The following EPPK1 variants were observed in gnomAD, a reference collection of about 807,000 sequenced individuals.
The protein encoded by EPPK1 is epiplakin.
For synonymous variants in EPPK1, 1,862 were observed against 1,721.2 expected, an observed-to-expected ratio of 1.08 and a Z score of -2.03; for missense variants, 3,823 against 3,673.3, an observed-to-expected ratio of 1.04 and a Z score of -1.05.
At position 143,868,321 on chromosome 8, in the gene EPPK1, C is replaced by T. The variant is rs1819211794; in HGVS notation, c.4933G>A (p.Ala1645Thr). ...GKETYVKLLS[A>T]ERAVTGYTDP... is the part of the protein sequence containing the mutation. ...GTGTAGCCGGTGACGGCGCGCTCGG[C>T]CGACAGCAGCTTCACGTAGGTTTCT... Residue 1645 changes from alanine to threonine, a missense_variant, in exon 2 of 2, where the codon GCC becomes ACC. Transcript: ENST00000615648. The T allele has an allele frequency of 1.2e-6, 2 of 1,613,052 alleles. No individual in the cohort carries two copies. The highest frequency in any genetic ancestry group is 1.3e-5 in the African/African-American group (1 of 74,922).
chr8:143,872,419 G>A lies in EPPK1; in HGVS notation c.835C>T (p.Arg279Cys), dbSNP rs782516506. 24 of 1,601,226 alleles carry A rather than the reference G, an allele frequency of 1.5e-5. No individual in the cohort carries two copies. Among genetic ancestry groups the A allele is most frequent in the Admixed American group, 5.0e-5 (3 of 59,918 alleles). The change falls in exon 2 of 2, where the codon CGC (arginine) becomes TGC (cysteine). Residue 279 changes from arginine to cysteine, a missense_variant. Coordinates refer to ENST00000615648, the MANE Select transcript of EPPK1 (RefSeq NM_031308.4). Reference sequence around the variant, plus strand: ...ACGCTGCCGGTACCCTCCAGGTAGCGCCGCACCTCGGCACGTGCACTCACG... The same window carrying A: ...ACGCTGCCGGTACCCTCCAGGTAGCACCGCACCTCGGCACGTGCACTCACG... ...VDVSARAEVR[R>C]YLEGTGSVAG...
chr8:143,872,047 C>T lies in EPPK1; in HGVS notation c.1207G>A (p.Gly403Arg), dbSNP rs999061712. The stretch of plus-strand genomic sequence containing the variant: ...AGCCTGCGTGCTGGACAGACCAGCC[C>T]GCCTGTGGCCAGCTGGGCATCCAAG... Reference protein sequence around the residue: ...RLLDAQLATGGLVCPARRLRL... With the variant: ...RLLDAQLATGRLVCPARRLRL... The change falls in exon 2 of 2, where the codon GGG (glycine) becomes AGG (arginine). Residue 403 changes from glycine to arginine, a missense_variant. By Grantham distance (125) the Gly-to-Arg change is moderately radical. Coordinates refer to ENST00000615648, the MANE Select transcript of EPPK1 (RefSeq NM_031308.4). The T allele has an allele frequency of 2.5e-5, 39 of 1,559,752 alleles. No homozygotes were observed. Among genetic ancestry groups the T allele is most frequent in the Non-Finnish European group, 3.0e-5 (35 of 1,153,196 alleles).
rs1175203571 is a variant in EPPK1, at chr8:143,867,786, C to T, written c.5468G>A (p.Gly1823Asp). The T allele has an allele frequency of 5.0e-6, 8 of 1,613,528 alleles. No individual in the cohort carries two copies. Among genetic ancestry groups the T allele is most frequent in the African/African-American group, 2.7e-5 (2 of 74,888 alleles). Residue 1823 changes from glycine (G) to aspartate (D), a missense_variant, in exon 2 of 2, where the codon GGC (glycine) becomes GAC (aspartate). Transcript: ENST00000615648. ...LIQEYGAQSG[G>D]LEKLLEIITT... ...GATGATTTCCAGCAATTTCTCCAGG[C>T]CCCCACTCTGGGCTCCATACTCCTG...
Position 143,866,585 on chromosome 8 carries a change from G to T in EPPK1, c.6669C>A (p.Thr2223=), listed in dbSNP as rs1252603882. Residue 2223 remains threonine (T), a synonymous_variant, in exon 2 of 2, where the codon ACC becomes ACA. Transcript: ENST00000615648. ...DDRVKRYLEG[T]SCIAGVLVPA... ...GCACCAGGACGCCCGCGATGCAGCT[G>T]GTGCCCTCCAGGTAGCGCTTGACGC... The T allele has an allele frequency of 5.6e-6, 9 of 1,612,056 alleles. No individual in the cohort carries two copies. In the African/African-American group the frequency reaches 1.1e-4, roughly 19 times the overall value.
intron 1 of EPPK1, among the ~76,000 whole-genome samples, chr8:143,875,234 A>G (rs1180098520): frequency 6.6e-6 from 1 of 152,140 alleles, no homozygotes; most frequent in East Asian, 1.9e-4. Context: ...GTCTGGTCTC[A>G]CGAAGGGCAT....
rs1554660773 is a variant in EPPK1 at position 143,870,429 on chromosome 8, T to C, written c.2825A>G (p.Gln942Arg). ...VGGVRLLPSG[Q>R]RLSLYQAMRQ... ...CATGGCCTGGTAGAGGCTGAGCCGC[T>C]GGCCAGAGGGCAGCAGCCGCACACC... Residue 942 changes from glutamine to arginine, a missense_variant, in exon 2 of 2, where the codon CAG becomes CGG. Gln to Arg is a conservative substitution (Grantham distance 43, BLOSUM62 1). Coordinates refer to ENST00000615648, the MANE Select transcript of EPPK1 (RefSeq NM_031308.4). This position sits in a 1 kb window ranked among gnomAD's most constrained non-coding sequence, Gnocchi z 5.2. 1 of 1,595,600 alleles carries C rather than the reference T, an allele frequency of 6.3e-7. No homozygotes were observed. Among genetic ancestry groups the C allele is most frequent in the African/African-American group, 1.3e-5 (1 of 74,666 alleles).
Position 143,866,345 on chromosome 8 carries a change from G to A in EPPK1, c.6909C>T (p.Ala2303=), listed in dbSNP as rs1206613333. 181 of 656,126 alleles carry A rather than the reference G, an allele frequency of 2.8e-4. 1 individual carries two copies. The African/African-American group carries it at 3.2e-3, about 12-fold the overall frequency. The allele number at this position is 656,126 out of a possible 1,614,324, so 40.6% of individuals were successfully genotyped here. A position where few individuals can be genotyped will look rare whatever the true frequency, so the allele number is the denominator to read the frequency against. ...GGEIQEKLLS[A]ERAVTGYTDP... is the part of the protein sequence containing the mutation. ...CGGTGTAGCCGGTGACGGCGCGCTC[G>A]GCCGACAGCAGCTTCTCCTGGATCT... The change falls in exon 2 of 2, where the codon GCC becomes GCT. Residue 2303 remains alanine, a synonymous_variant. Coordinates refer to ENST00000615648, the MANE Select transcript of EPPK1 (RefSeq NM_031308.4).
At position 143,872,320 on chromosome 8, in the gene EPPK1, T is replaced by C. The variant is rs1819381336; in HGVS notation, c.934A>G (p.Met312Val). The C allele has an allele frequency of 5.6e-6, 9 of 1,603,600 alleles. No individual in the cohort carries two copies. Among genetic ancestry groups the C allele is most frequent in the Non-Finnish European group, 7.7e-6 (9 of 1,175,016 alleles). ...TCTAGGAGTGGCAGCGCGGTGCCCA[T>C]TGGGAGCAGGTGCTCGGTGGCAGCC... ...FQAATEHLLP[M>V]GTALPLLEAQ... The change falls in exon 2 of 2, where the codon ATG (methionine) becomes GTG (valine). Residue 312 changes from methionine (M) to valine (V), a missense_variant. Met to Val is a conservative substitution (Grantham distance 21). Coordinates refer to ENST00000615648, the MANE Select transcript of EPPK1 (RefSeq NM_031308.4).
At position 143,871,947 on chromosome 8, in the gene EPPK1, C is replaced by T; in HGVS notation, c.1307G>A (p.Gly436Asp). 5 of 1,600,994 alleles carry T rather than the reference C, an allele frequency of 3.1e-6. No individual in the cohort carries two copies. In the South Asian group the frequency reaches 5.5e-5, roughly 18 times the overall value. ...GCCGTGCGTGCCGTCTGAGAAGCTG[C>T]CAGCCTGCGAGAGCTGCCGCTGAGT... is the stretch of plus-strand genomic sequence containing the variant. ...EDTQRQLSQA[G>D]SFSDGTHGGL... Residue 436 changes from glycine to aspartate, a missense_variant, in exon 2 of 2, where the codon GGC becomes GAC. Transcript: ENST00000615648.
At position 143,870,554 on chromosome 8, in the gene EPPK1, C is replaced by T. The variant is rs2130641331; in HGVS notation, c.2700G>A (p.Gln900=). 1.2e-6 allele frequency: 2 copies of T among 1,611,840 alleles called. No individual in the cohort carries two copies. The highest frequency in any genetic ancestry group is 2.2e-5 in the East Asian group (1 of 44,870). ...CGGCCAGCACTTGGTCCAACAGCTG[C>T]TGGTCAATGATACCGGCCTCCAGGA... is the stretch of plus-strand genomic sequence containing the variant. ...HQLLEAGIID[Q]QLLDQVLAGT... The change falls in exon 2 of 2, where the codon CAG becomes CAA. Residue 900 remains glutamine (Q), a synonymous_variant. Transcript: ENST00000615648. The surrounding 1 kb of genome is among the most constrained non-coding windows in gnomAD (Gnocchi z 5.2).
At position 143,866,587 on chromosome 8, in the gene EPPK1, T is replaced by C. The variant is rs1322437979; in HGVS notation, c.6667A>G (p.Thr2223Ala). Residue 2223 changes from threonine to alanine, a missense_variant, in exon 2 of 2, where the codon ACC becomes GCC. Physicochemically the swap from Thr to Ala is moderately conservative, Grantham distance 58 (BLOSUM62 0). Coordinates refer to ENST00000615648, the MANE Select transcript of EPPK1 (RefSeq NM_031308.4). ...ACCAGGACGCCCGCGATGCAGCTGG[T>C]GCCCTCCAGGTAGCGCTTGACGCGG... Reference protein sequence around the residue: ...DDRVKRYLEGTSCIAGVLVPA... With the variant: ...DDRVKRYLEGASCIAGVLVPA... The C allele has an allele frequency of 6.2e-7, 1 of 1,612,124 alleles. No individual in the cohort carries two copies. Among genetic ancestry groups the C allele is most frequent in the Non-Finnish European group, 8.5e-7 (1 of 1,179,640 alleles).
chr8:143,869,882 G>C lies in EPPK1; in HGVS notation c.3372C>G (p.Thr1124=), dbSNP rs142067632. The C allele has an allele frequency of 3.1e-6, 5 of 1,606,562 alleles. No homozygotes were observed. The Admixed American group carries it at 6.8e-5, about 22-fold the overall frequency. Residue 1124 remains threonine, a synonymous_variant, in exon 2 of 2, where the codon ACC becomes ACG. Transcript: ENST00000615648. ...GCAGGCTCCTCTGGACCTGCTCCTC[G>C]GTGGGGAGGGCAGGAGCACTTTCTG... ...PLPESAPALP[T]EEQVQRSLQA... is the part of the protein sequence containing the mutation.
Position 143,871,219 on chromosome 8 carries a change from C to T in EPPK1, c.2035G>A (p.Ala679Thr), listed in dbSNP as rs782268705. Residue 679 changes from alanine (A) to threonine (T), a missense_variant, in exon 2 of 2, where the codon GCG (alanine) becomes ACG (threonine). By Grantham distance (58) the Ala-to-Thr change is moderately conservative. Transcript: ENST00000615648. ...GCGCGCTCAGCCGACAGCAGCTTCG[C>T]GAACACATCAGGCCCAATGACAGCA... Reference protein sequence around the residue: ...RAAVIGPDVFAKLLSAERAVT... With the variant: ...RAAVIGPDVFTKLLSAERAVT... The T allele has an allele frequency of 8.1e-5, 131 of 1,613,058 alleles. No individual in the cohort carries two copies. The highest frequency in any genetic ancestry group is 1.0e-4 in the Non-Finnish European group (118 of 1,180,008).
At position 143,868,412 on chromosome 8, in the gene EPPK1, G is replaced by A. The variant is rs1317218230; in HGVS notation, c.4842C>T (p.Ile1614=). Residue 1614 remains isoleucine (I), a synonymous_variant, in exon 2 of 2, where the codon ATC becomes ATT. Coordinates refer to ENST00000615648, the MANE Select transcript of EPPK1 (RefSeq NM_031308.4). ...GCTTCCGGTTCTCCACGGGGTCGAT[G>A]ATGAAGCCGGTAGCTGCCTGTGCCT... ...LLEAQAATGF[I]IDPVENRKLT... 4 of 1,612,482 alleles carry A rather than the reference G, an allele frequency of 2.5e-6. No individual in the cohort carries two copies. The highest frequency in any genetic ancestry group is 3.4e-6 in the Non-Finnish European group (4 of 1,179,820).
Position 143,867,036 on chromosome 8 carries a change from C to A in EPPK1, c.6218G>T (p.Arg2073Leu). 2 of 1,612,822 alleles carry A rather than the reference C, an allele frequency of 1.2e-6. No individual in the cohort carries two copies. The highest frequency in any genetic ancestry group is 2.2e-5 in the South Asian group (2 of 91,078). Residue 2073 changes from arginine (R) to leucine (L), a missense_variant, in exon 2 of 2, where the codon CGC becomes CTC. Transcript: ENST00000615648. ...CAGCCAGCCCGTGTCCTCTTGTGGGCGGCACCTCTCCTGCAGCTCTCGGTA... is the reference window on the plus strand; with the variant it reads ...CAGCCAGCCCGTGTCCTCTTGTGGGAGGCACCTCTCCTGCAGCTCTCGGTA... ...VSYRELQERC[R>L]PQEDTGWLLF...
rs371915407 is a variant in EPPK1, at chr8:143,868,226, G to A, written c.5028C>T (p.His1676=). The change falls in exon 2 of 2, where the codon CAC becomes CAT. Residue 1676 remains histidine, a synonymous_variant. Transcript: ENST00000615648. ...TCTGGGCCTCCAGCAGGCGGATGCC[G>A]TGCTCCCGGACGATGAGGTCCTTCT... ...AMQKDLIVRE[H]GIRLLEAQIA... The A allele has an allele frequency of 8.0e-5, 129 of 1,613,112 alleles. No homozygotes were observed. Among genetic ancestry groups the A allele is most frequent in the East Asian group, 1.1e-4 (5 of 44,874 alleles).
Position 143,868,193 on chromosome 8 carries a change from C to G in EPPK1, c.5061G>C (p.Thr1687=). Residue 1687 remains threonine (T), a synonymous_variant, in exon 2 of 2, where the codon ACG becomes ACC. Coordinates refer to ENST00000615648, the MANE Select transcript of EPPK1 (RefSeq NM_031308.4). ...TGTGCACGGGGTCGATGATGCCGCCCGTGGCGATCTGGGCCTCCAGCAGGC... is the reference window on the plus strand; with the variant it reads ...TGTGCACGGGGTCGATGATGCCGCCGGTGGCGATCTGGGCCTCCAGCAGGC... ...GIRLLEAQIA[T]GGIIDPVHSH... 2 of 1,612,948 alleles carry G rather than the reference C, an allele frequency of 1.2e-6. No homozygotes were observed. Among genetic ancestry groups the G allele is most frequent in the Non-Finnish European group, 1.7e-6 (2 of 1,179,968 alleles).
Position 143,867,132 on chromosome 8 carries a change from T to A in EPPK1, c.6122A>T (p.Tyr2041Phe), listed in dbSNP as rs782820648. 1.2e-6 allele frequency: 2 copies of A among 1,612,878 alleles called. No individual in the cohort carries two copies. The highest frequency in any genetic ancestry group is 2.2e-5 in the East Asian group (1 of 44,864). The change falls in exon 2 of 2, where the codon TAT becomes TTT. Residue 2041 changes from tyrosine to phenylalanine, a missense_variant. Tyr to Phe is a conservative substitution (Grantham distance 22). Coordinates refer to ENST00000615648, the MANE Select transcript of EPPK1 (RefSeq NM_031308.4). Reference sequence around the variant, plus strand: ...GTGCTTCTGGTCGGAAATGAGCGCATAGATGTCCTTGTGCAGACAGCCCCG... The same window carrying A: ...GTGCTTCTGGTCGGAAATGAGCGCAAAGATGTCCTTGTGCAGACAGCCCCG... ...YRRGCLHKDI[Y>F]ALISDQKHMR...
In EPPK1 at chr8:143,868,878, G is replaced by A. The variant is rs538042034; in HGVS notation, c.4376C>T (p.Thr1459Ile). 2 of 1,610,694 alleles carry A rather than the reference G, an allele frequency of 1.2e-6. No individual in the cohort carries two copies. Among genetic ancestry groups the A allele is most frequent in the Admixed American group, 1.7e-5 (1 of 60,002 alleles). The change falls in exon 2 of 2, where the codon ACA becomes ATA. Residue 1459 changes from threonine (T) to isoleucine (I), a missense_variant. Thr to Ile is a moderately conservative substitution (Grantham distance 89). Coordinates refer to ENST00000615648, the MANE Select transcript of EPPK1 (RefSeq NM_031308.4). ...CACGCTACACCCCTTAAACCTCCCT[G>A]TGCTGACGGGCACCTTCATGGCCCT... Reference protein sequence around the residue: ...ALRAMKVPVSTGRFKGCSVSL... With the variant: ...ALRAMKVPVSIGRFKGCSVSL...
Sources: allele counts gnomAD v4.1 joint callset (sites outside exome capture counted in the v4.1 genomes callset), GRCh38; gene constraint gnomAD v4.1.1; non-coding constraint Gnocchi (gnomAD v3.1); transcripts MANE v1.5; gene names NCBI Gene and HGNC (gene_info 2026-07-23, HGNC 2026-07-21).